The following MFSD11 variants were observed in gnomAD, a reference collection of about 807,000 sequenced individuals.
MFSD11 encodes the protein major facilitator superfamily domain containing 11.
MFSD11 carries 36 observed loss-of-function variants against 53.5 expected under a neutral mutation model. That is an observed-to-expected ratio of 0.67 (90% CI 0.52 to 0.89). The LOEUF is 0.89. MFSD11 is among the 40% of genes least tolerant of loss of function. The pLI is 0.00. For missense variants in MFSD11, 530 were observed against 543.9 expected, an observed-to-expected ratio of 0.97 and a Z score of 0.25; for synonymous variants, 186 against 184.9, an observed-to-expected ratio of 1.01 and a Z score of -0.05.
the MFSD11 span, chr17:76,799,176 C>CA: frequency 1.4e-4 from 21 of 152,104 alleles, no homozygotes; most frequent in Non-Finnish European, 2.4e-4. Context: ...AGTGCATTGT[C>CA]ACGATCTTGG....
intron 7 of MFSD11, among the ~76,000 whole-genome samples, chr17:76,752,678 G>A (rs1407557645): frequency 6.6e-6 from 1 of 152,176 alleles, no homozygotes; most frequent in Non-Finnish European, 1.5e-5. Context: ...TTCCAGGCGT[G>A]AGCCACCACA....
In MFSD11 at chr17:76,778,505, G is replaced by A. The variant is rs2082040097; in HGVS notation, c.*153G>A. 4.4e-6 allele frequency: 3 copies of A among 688,598 alleles called. No individual in the cohort carries two copies. The highest frequency in any genetic ancestry group is 6.0e-5 in the Admixed American group (2 of 33,458). 42.7% of individuals were successfully genotyped at this position (688,598 alleles called of 1,614,324 possible). A position where few individuals can be genotyped will look rare whatever the true frequency, so the allele number is the denominator to read the frequency against. ...GACTGTTAAATCAGCCAGAGTTGGTGTTCAAGTTTACAGATATGAGTTATT... is the reference window on the plus strand; with the variant it reads ...GACTGTTAAATCAGCCAGAGTTGGTATTCAAGTTTACAGATATGAGTTATT... On this transcript the variant is annotated 3_prime_UTR_variant, in exon 13 of 13. Transcript: ENST00000685175.
At chr17:76,780,427 C>T (rs372400631), downstream of MFSD11, among the ~76,000 whole-genome samples, 1 of 151,422 alleles carries the variant, frequency 6.6e-6, no homozygotes, top group South Asian at 2.1e-4. Context: ...GCCATGGCCT[C>T]GCAAAGTGCT....
intron 2 of MFSD11, among the ~76,000 whole-genome samples, chr17:76,740,707 C>T (rs1378525413): frequency 1.3e-5 from 2 of 152,150 alleles, no homozygotes; most frequent in African/African-American, 4.8e-5. Flanking sequence ...GTTACTATGA[C>T]TTACCAGTAT....
At chr17:76,761,550 T>C (rs2080233911) in intron 8 of MFSD11, among the ~76,000 whole-genome samples, 1 of 152,240 alleles carries the variant, frequency 6.6e-6, no homozygotes, top group South Asian at 2.1e-4. Context: ...GTAGAATTTG[T>C]TTTTGTAAAA....
At chr17:76,747,118 G>GATAT (rs2078626742) in intron 7 of MFSD11, among the ~76,000 whole-genome samples, 2 of 152,106 alleles carry the variant, frequency 1.3e-5, no homozygotes, top group Non-Finnish European at 2.9e-5. Context: ...TACATTTCAT[G>GATAT]AGGATATAGC....
chr17:76,788,314 T>C, the MFSD11 span, among the ~76,000 whole-genome samples: 2 of 149,284 alleles, frequency 1.3e-5, no homozygotes, highest in African/African-American at 4.9e-5. Flanking sequence ...CATGCTAGGA[T>C]TACAGGTGTG....
intron 5 of MFSD11, 36 bp from the exon 6 acceptor site, chr17:76,743,361 AT>A: frequency 7.7e-7 from 1 of 1,302,870 alleles, no homozygotes; most frequent in South Asian, 1.4e-5. Context: ...TATTAAAATA[AT>A]TACCCAACAT....
chr17:76,736,972 G>C (rs1176463751), upstream of MFSD11: 1 of 1,613,424 alleles, frequency 6.2e-7, no homozygotes, highest in African/African-American at 1.3e-5. Context: ...CGCGCTTGTC[G>C]TGAAAGCGAA....
the MFSD11 span, among the ~76,000 whole-genome samples, chr17:76,791,368 C>T: frequency 2.7e-5 from 4 of 149,164 alleles, no homozygotes; most frequent in Non-Finnish European, 4.5e-5. Context: ...TCCAATTCTT[C>T]AGTCTTTTTT....
At chr17:76,767,204 A>C (rs1336419054) in intron 8 of MFSD11, 182 bp from the exon 9 acceptor site, 1 of 512,098 alleles carries the variant, frequency 2.0e-6, no homozygotes, top group African/African-American at 2.0e-5. Context: ...CACTTGAAAT[A>C]AACGTTTTAT....
intron 7 of MFSD11, among the ~76,000 whole-genome samples, chr17:76,749,169 T>G (rs1015085397): frequency 2.0e-5 from 3 of 152,156 alleles, no homozygotes; most frequent in Non-Finnish European, 4.4e-5. Flanking sequence ...GAAACCAATT[T>G]TAGAATATTT....
downstream of MFSD11, chr17:76,781,577 C>T (rs2144991743): frequency 6.6e-6 from 1 of 152,286 alleles, no homozygotes; most frequent in Non-Finnish European, 1.5e-5. Context: ...CAGGCCCTTG[C>T]TCTGTTTGCT....
rs1213935045 is a variant in MFSD11 at position 76,776,235 on chromosome 17, T to A, written c.1050-171T>A. ...TTCAAGTGATCTGCCCACCTCAGCC[T>A]CCCAAAGTGCTGGGATTCCAGGTGT... On this transcript the variant is annotated intron_variant, in intron 11 of 12. Coordinates refer to ENST00000685175, the MANE Select transcript of MFSD11 (RefSeq NM_001242532.5). This position sits in a 1 kb window ranked among gnomAD's most constrained non-coding sequence, Gnocchi z 4.2. 3.3e-5 allele frequency among the ~76,000 whole-genome samples: 5 copies of A among 152,248 alleles called. No individual in the cohort carries two copies. Among genetic ancestry groups the A allele is most frequent in the Non-Finnish European group, 5.9e-5 (4 of 68,042 alleles).
chr17:76,801,157 T>C, the MFSD11 span, among the ~76,000 whole-genome samples: 1 of 151,260 alleles, frequency 6.6e-6, no homozygotes, highest in Non-Finnish European at 1.5e-5. Context: ...TTCGGGCGGC[T>C]GAGGAGAGTG....
chr17:76,801,618 G>A, the MFSD11 span, among the ~76,000 whole-genome samples: 1 of 151,762 alleles, frequency 6.6e-6, no homozygotes, highest in African/African-American at 2.4e-5. Flanking sequence ...GGCTAATTTT[G>A]CATTTTTCGT....
rs1220240679 is a variant in MFSD11, at chr17:76,744,463, A to G, written c.638A>G (p.Asn213Ser). ...ESSDDQDMEVNESAQNNLTKA... is the reference protein window; with the variant it reads ...ESSDDQDMEVSESAQNNLTKA... ...TCTGATGACCAGGACATGGAAGTCA[A>G]CGAGTAAGATGTTGGAAACATTCTA... Residue 213 changes from asparagine to serine, a missense_variant, in exon 7 of 13, where the codon AAC (asparagine) becomes AGC (serine). Coordinates refer to ENST00000685175, the MANE Select transcript of MFSD11 (RefSeq NM_001242532.5). 1 of 1,607,646 alleles carries G rather than the reference A, an allele frequency of 6.2e-7. No individual in the cohort carries two copies. The highest frequency in any genetic ancestry group is 1.3e-5 in the African/African-American group (1 of 74,440).
the MFSD11 span, among the ~76,000 whole-genome samples, chr17:76,801,837 A>T: frequency 6.6e-6 from 1 of 152,034 alleles, no homozygotes; most frequent in Non-Finnish European, 1.5e-5. Context: ...TAAGACTTGT[A>T]TCTTGTGATA....
chr17:76,743,023 A>G (rs2078237981), intron 5 of MFSD11, among the ~76,000 whole-genome samples: 2 of 152,250 alleles, frequency 1.3e-5, no homozygotes, highest in South Asian at 2.1e-4. Context: ...AAAGTATTTG[A>G]TTAGATGCAG....
Sources: allele counts gnomAD v4.1 joint callset (sites outside exome capture counted in the v4.1 genomes callset), GRCh38; gene constraint gnomAD v4.1.1; non-coding constraint Gnocchi (gnomAD v3.1); transcripts MANE v1.5; gene names NCBI Gene and HGNC (gene_info 2026-07-23, HGNC 2026-07-21).